The following PDZD2 variants were observed in gnomAD, a reference collection of about 807,000 sequenced individuals.
The protein encoded by PDZD2 is PDZ domain containing 2, also known as PDZ domain-containing protein 2.
PDZD2 carries 90 observed loss-of-function variants against 220.7 expected under a neutral mutation model. The observed-to-expected ratio is 0.41, with a 90% confidence interval of 0.34 to 0.49. The LOEUF (loss-of-function observed/expected upper bound fraction) is 0.49, where lower values mean the gene tolerates loss of function less well. Among genes scored for constraint, PDZD2 ranks in the 20% least tolerant of loss-of-function variants. PDZD2 has a pLI of 0.28. For synonymous variants in PDZD2, 1,375 were observed against 1,450.5 expected (o/e 0.95, Z 1.18); for missense variants, 3,174 against 3,608.5 (o/e 0.88, Z 3.08).
intron 2 of PDZD2, among the ~76,000 whole-genome samples, chr5:31,906,031 TA>T (rs1323607537): frequency 5.4e-5 from 8 of 146,832 alleles, no homozygotes; most frequent in Non-Finnish European, 3.0e-5. Context: ...TTTTTATTAT[TA>T]TTTTTTTGAG....
At chr5:32,054,928 C>T (rs1331895198) in intron 10 of PDZD2, among the ~76,000 whole-genome samples, 1 of 152,132 alleles carries the variant, frequency 6.6e-6, no homozygotes, top group African/African-American at 2.4e-5. Context: ...CTTGTCCCAT[C>T]CTTAGTAAAG....
intron 6 of PDZD2, among the ~76,000 whole-genome samples, chr5:32,028,502 T>G (rs982869703): frequency 1.2e-4 from 18 of 152,188 alleles, no homozygotes; most frequent in Non-Finnish European, 2.4e-4. Context: ...ATAATAATGT[T>G]CAAATAAATT....
At chr5:32,048,762 A>G (rs981370808) in intron 8 of PDZD2, 78 bp downstream of exon 8, 10 of 1,437,580 alleles carry the variant, frequency 7.0e-6, no homozygotes, top group Admixed American at 3.6e-5. Context: ...CATACAGGCC[A>G]GGAGTGTCTG....
Position 31,651,815 on chromosome 5 carries a change from T to TTTTG in PDZD2, c.-361+12394_-361+12397dup, listed in dbSNP as rs1304898760. ...CTGGCTAATTTTTTTGTTTGTTTGT[T>TTTTG]TTTGTTTGTTTGTTTGTTTTGAGAT... is the stretch of plus-strand genomic sequence containing the variant. On this transcript the variant is annotated intron_variant, in intron 1 of 24. Transcript: ENST00000438447. Among the ~76,000 whole-genome samples, 36 of 151,454 alleles carry TTTTG rather than the reference T, an allele frequency of 2.4e-4. No homozygotes were observed. In the Middle Eastern group the frequency reaches 0.01, roughly 43 times the overall value.
At chr5:32,075,287 C>T (rs1384735536) in intron 18 of PDZD2, among the ~76,000 whole-genome samples, 2 of 152,184 alleles carry the variant, frequency 1.3e-5, no homozygotes, top group African/African-American at 4.8e-5. Context: ...CTAGTTGGCA[C>T]TGGTCGAGTT....
In PDZD2 at chr5:32,108,057, T is replaced by C; in HGVS notation, c.8442T>C (p.Phe2814=). ...NGKPLVGLMH[F]DAWNIMKSVP... ...AACCTCTGGTTGGGCTCATGCACTT[T>C]GATGCCTGGAATATTATGAAGTCTG... Residue 2814 remains phenylalanine (F), a synonymous_variant, in exon 25 of 25, where the codon TTT becomes TTC. Coordinates refer to ENST00000438447, the MANE Select transcript of PDZD2 (RefSeq NM_178140.4). 1 of 1,611,118 alleles carries C rather than the reference T, an allele frequency of 6.2e-7. No individual in the cohort carries two copies. Among genetic ancestry groups the C allele is most frequent in the Non-Finnish European group, 8.5e-7 (1 of 1,177,234 alleles).
At chr5:31,707,547 T>C (rs1747888721) in intron 1 of PDZD2, among the ~76,000 whole-genome samples, 1 of 152,156 alleles carries the variant, frequency 6.6e-6, no homozygotes, top group Non-Finnish European at 1.5e-5. Context: ...AGTCACCCAG[T>C]CTGCAGTATT....
Position 32,072,215 on chromosome 5 carries a change from G to A in PDZD2, c.2623G>A (p.Gly875Ser). ...CCAGTACTTTGCCCACGATGTCCCTGGCCCCTTGTCAGACTTCATGGTGGC... is the reference window on the plus strand; with the variant it reads ...CCAGTACTTTGCCCACGATGTCCCTAGCCCCTTGTCAGACTTCATGGTGGC... ...LSQYFAHDVP[G>S]PLSDFMVAGS... Residue 875 changes from glycine (G) to serine (S), a missense_variant, in exon 17 of 25, where the codon GGC becomes AGC. Gly to Ser is a moderately conservative substitution (Grantham distance 56). Coordinates refer to ENST00000438447, the MANE Select transcript of PDZD2 (RefSeq NM_178140.4). The A allele has an allele frequency of 1.2e-6, 2 of 1,613,552 alleles. No individual in the cohort carries two copies. The highest frequency in any genetic ancestry group is 1.6e-4 in the Middle Eastern group (1 of 6,062).
intron 1 of PDZD2, among the ~76,000 whole-genome samples, chr5:31,670,303 A>G (rs1316687634): frequency 1.3e-5 from 2 of 152,132 alleles, no homozygotes; most frequent in African/African-American, 4.8e-5. Flanking sequence ...TCATATCAGG[A>G]CTTTAGTTTG....
intron 2 of PDZD2, among the ~76,000 whole-genome samples, chr5:31,877,674 GTC>G (rs1739428104): frequency 8.1e-6 from 1 of 123,486 alleles, no homozygotes; most frequent in Non-Finnish European, 1.6e-5. Context: ...TTGCTGAAAG[GTC>G]TATTTATTTA....
chr5:31,985,838 G>A (rs1253647055), intron 3 of PDZD2, among the ~76,000 whole-genome samples: 1 of 151,906 alleles, frequency 6.6e-6, no homozygotes, highest in East Asian at 1.9e-4. Flanking sequence ...CAGCACTTTG[G>A]GAGGCCAAGG....
chr5:31,962,378 A>G (rs1016235551), intron 2 of PDZD2, among the ~76,000 whole-genome samples: 1 of 152,176 alleles, frequency 6.6e-6, no homozygotes, highest in Non-Finnish European at 1.5e-5. Context: ...GGGAAGTTGG[A>G]CAGGAAGGGA....
At chr5:32,039,411 A>G (rs62361260) in intron 7 of PDZD2, among the ~76,000 whole-genome samples, 17,512 of 150,214 alleles carry the variant, frequency 0.12, 1,417 homozygotes, top group Non-Finnish European at 0.17. Flanking sequence ...TCAATGCTCA[A>G]TGTTGCCCAG....
At chr5:31,803,106 T>A (rs11743042) in intron 2 of PDZD2, among the ~76,000 whole-genome samples, 14,865 of 148,930 alleles carry the variant, frequency 0.1, 810 homozygotes, top group South Asian at 0.2. Flanking sequence ...ATTTTATTTT[T>A]TTTTTTTGCA....
rs1753213447 is a variant in PDZD2, at chr5:32,010,547, G to A, written c.1407+65G>A. The A allele has an allele frequency of 2.7e-6, 3 of 1,107,818 alleles. No homozygotes were observed. In the South Asian group the frequency reaches 3.8e-5, roughly 14 times the overall value. The allele number at this position is 1,107,818 out of a possible 1,614,324, so 68.6% of individuals were successfully genotyped here. On this transcript the variant is annotated intron_variant, in intron 6 of 24. Transcript: ENST00000438447. ...TTTTTTCTGAAGTCCTGGGCGCCAG[G>A]ATTAGGGGATAAATGCTTGAGATAG...
chr5:31,977,320 A>G (rs1561243598), intron 2 of PDZD2, among the ~76,000 whole-genome samples: 1 of 152,226 alleles, frequency 6.6e-6, no homozygotes, highest in Non-Finnish European at 1.5e-5. Context: ...TTGGCAAAAC[A>G]GTCAAATATC....
chr5:32,071,246 C>G, intron 15 of PDZD2, 138 bp from the exon 16 acceptor site: 1 of 737,436 alleles, frequency 1.4e-6, no homozygotes, highest in Non-Finnish European at 2.5e-6. Context: ...ACGTCTAACC[C>G]TGTGCATGCA....
chr5:31,965,020 C>A (rs1748601362), intron 2 of PDZD2, among the ~76,000 whole-genome samples: 1 of 152,328 alleles, frequency 6.6e-6, no homozygotes, highest in South Asian at 2.1e-4. Context: ...CCGCGCCCGG[C>A]CAGTTTTTTT....
At chr5:31,962,769 G>A (rs1748372241) in intron 2 of PDZD2, among the ~76,000 whole-genome samples, 2 of 152,120 alleles carry the variant, frequency 1.3e-5, no homozygotes, top group Non-Finnish European at 2.9e-5. Flanking sequence ...TGCCACAAGG[G>A]AAAACTCTCT....
Sources: gnomAD v4.1 joint callset for allele counts (sites outside exome capture counted in the v4.1 genomes callset) on GRCh38, gnomAD v4.1.1 for gene constraint, MANE v1.5 for transcripts, NCBI Gene and HGNC (gene_info 2026-07-23, HGNC 2026-07-21) for gene names.